The following PHACTR1 variants were observed in gnomAD, a reference collection of about 807,000 sequenced individuals.
PHACTR1 encodes the protein RPEL repeat containing 1.
A neutral mutation model predicts 69.2 loss-of-function variants in PHACTR1; 16 were observed. The ratio of observed to expected loss-of-function variants is 0.23; its 90% confidence interval spans 0.16 to 0.35. PHACTR1 has a LOEUF of 0.35. PHACTR1 is among the 10% of genes least tolerant of loss of function. The pLI, the probability that PHACTR1 is intolerant of heterozygous loss-of-function variation, is 1.00. For missense variants in PHACTR1, 510 were observed against 734.7 expected (o/e 0.69, Z 3.54); for synonymous variants, 312 against 284.5 (o/e 1.10, Z -0.97).
intron 4 of PHACTR1, among the ~76,000 whole-genome samples, chr6:12,955,474 A>G (rs1791788878): frequency 6.6e-6 from 1 of 152,110 alleles, no homozygotes; most frequent in South Asian, 2.1e-4. Context: ...TACAGGATTG[A>G]GCCACCATGC....
At chr6:13,276,313 G>T (rs2235173) in intron 11 of PHACTR1, among the ~76,000 whole-genome samples, 1 of 152,006 alleles carries the variant, frequency 6.6e-6, no homozygotes, top group Non-Finnish European at 1.5e-5. Context: ...AGGCGGTTGG[G>T]GGGCCAAATC....
At chr6:12,829,919 C>G (rs1252563133) in intron 4 of PHACTR1, among the ~76,000 whole-genome samples, 1 of 146,192 alleles carries the variant, frequency 6.8e-6, no homozygotes, top group African/African-American at 2.6e-5. Flanking sequence ...GATTGTGCCA[C>G]TGCTCTCCAG....
chr6:13,183,215 T>G (rs1219742916), intron 7 of PHACTR1, among the ~76,000 whole-genome samples: 2 of 152,188 alleles, frequency 1.3e-5, no homozygotes, highest in South Asian at 2.1e-4. Context: ...GACTGTCATC[T>G]CCTTCTTTGG....
At chr6:12,749,827 C>T in intron 4 of PHACTR1, 37 bp downstream of exon 4, 1 of 1,508,660 alleles carries the variant, frequency 6.6e-7, no homozygotes, top group East Asian at 2.4e-5. Flanking sequence ...CCGCCCCCGC[C>T]CTGCTCCCTC....
chr6:12,976,578 C>T (rs1794906702), intron 4 of PHACTR1, among the ~76,000 whole-genome samples: 1 of 152,200 alleles, frequency 6.6e-6, no homozygotes, highest in Non-Finnish European at 1.5e-5. Flanking sequence ...GTTTTAGTTA[C>T]TCATCGTCAA....
chr6:13,114,004 T>C (rs1047821262), intron 5 of PHACTR1, among the ~76,000 whole-genome samples: 2 of 152,080 alleles, frequency 1.3e-5, no homozygotes, highest in African/African-American at 4.8e-5. Flanking sequence ...AAAGAAAACA[T>C]AAAGGTCTGC....
chr6:13,235,170 G>C (rs1264360092), intron 10 of PHACTR1, among the ~76,000 whole-genome samples: 1 of 152,026 alleles, frequency 6.6e-6, no homozygotes, highest in Non-Finnish European at 1.5e-5. Context: ...ATCTCCAGTG[G>C]ACACACAGAG....
intron 5 of PHACTR1, among the ~76,000 whole-genome samples, chr6:13,124,393 A>G (rs1410765171): frequency 1.3e-5 from 2 of 152,208 alleles, no homozygotes; most frequent in Non-Finnish European, 2.9e-5. Flanking sequence ...TCCCTATAAT[A>G]CAAAATCATC....
At position 13,182,643 on chromosome 6, in the gene PHACTR1, C is replaced by A; in HGVS notation, c.621C>A (p.Cys207Ter). 6.2e-7 allele frequency: 1 copy of A among 1,602,816 alleles called. No individual in the cohort carries two copies. The highest frequency in any genetic ancestry group is 8.5e-7 in the Non-Finnish European group (1 of 1,174,884). The stretch of plus-strand genomic sequence containing the variant: ...CAGTCCCAATGCCCAGGGATCCCTG[C>A]TCATATGAGGTGCTCCAACCGTCAG... ...MEPVPMPRDP[C>*]SYEVLQPSDI... The change falls in exon 7 of 15, where the codon TGC (cysteine) becomes TGA (stop). Residue 207 changes from cysteine (C) to a stop codon, truncating the protein, a stop_gained. Transcript: ENST00000332995. LOFTEE classifies it high-confidence loss of function.
intron 4 of PHACTR1, among the ~76,000 whole-genome samples, chr6:12,874,857 C>T (rs2127446003): frequency 6.6e-6 from 1 of 152,284 alleles, no homozygotes; most frequent in South Asian, 2.1e-4. Flanking sequence ...TTGCTTATGT[C>T]AGCTTGTCAT....
At chr6:13,171,523 A>T (rs1305758051) in intron 6 of PHACTR1, among the ~76,000 whole-genome samples, 2 of 152,364 alleles carry the variant, frequency 1.3e-5, no homozygotes, top group Non-Finnish European at 2.9e-5. Flanking sequence ...AACTTTCAAC[A>T]GTAACAGAAA....
At chr6:13,133,535 G>T (rs1285857792) in intron 5 of PHACTR1, among the ~76,000 whole-genome samples, 3 of 152,122 alleles carry the variant, frequency 2.0e-5, no homozygotes, top group Non-Finnish European at 4.4e-5. Flanking sequence ...AACCGCAAGT[G>T]ATCTGCTAGC....
chr6:13,076,029 T>G (rs1323177940), intron 5 of PHACTR1, among the ~76,000 whole-genome samples: 1 of 148,444 alleles, frequency 6.7e-6, no homozygotes, highest in Non-Finnish European at 1.5e-5. Flanking sequence ...GGGAGCATCT[T>G]TTTTTTTTTT....
intron 4 of PHACTR1, among the ~76,000 whole-genome samples, chr6:12,817,239 G>C (rs751866103): frequency 6.6e-6 from 1 of 152,152 alleles, no homozygotes; most frequent in Non-Finnish European, 1.5e-5. Flanking sequence ...CAAGGAAAGT[G>C]ATAGAAGGTC....
chr6:13,114,148 C>T (rs1817461864), intron 5 of PHACTR1, among the ~76,000 whole-genome samples: 1 of 152,176 alleles, frequency 6.6e-6, no homozygotes, highest in African/African-American at 2.4e-5. Flanking sequence ...GAAGCAGACT[C>T]GCTCTGATGG....
chr6:12,839,815 G>A (rs536523037), intron 4 of PHACTR1, among the ~76,000 whole-genome samples: 3 of 152,338 alleles, frequency 2.0e-5, no homozygotes, highest in African/African-American at 7.2e-5. Flanking sequence ...TTGATCAGAT[G>A]TGGTGAAGAT....
chr6:13,027,329 T>G (rs1801835691), intron 4 of PHACTR1, among the ~76,000 whole-genome samples: 1 of 152,200 alleles, frequency 6.6e-6, no homozygotes, highest in Non-Finnish European at 1.5e-5. Flanking sequence ...TGTTTAAATA[T>G]ATTGAGGTCA....
Position 13,283,732 on chromosome 6 carries a change from G to C in PHACTR1, c.1650+170G>C. The C allele has an allele frequency of 1.1e-6, 1 of 947,910 alleles. No individual in the cohort carries two copies. Among genetic ancestry groups the C allele is most frequent in the Non-Finnish European group, 1.6e-6 (1 of 632,886 alleles). 58.7% of individuals were successfully genotyped at this position (947,910 alleles called of 1,614,324 possible). A position where few individuals can be genotyped will look rare whatever the true frequency, so the allele number is the denominator to read the frequency against. On this transcript the variant is annotated intron_variant, in intron 13 of 14. Coordinates refer to ENST00000332995, the MANE Select transcript of PHACTR1 (RefSeq NM_030948.6). The surrounding 1 kb of genome is among the most constrained non-coding windows in gnomAD (Gnocchi z 4.7). ...TCCCCAGGGGCCACAGATAATCTGCGGAAAGGCTGCTGAATCGGAGAAAAC... is the reference window on the plus strand; with the variant it reads ...TCCCCAGGGGCCACAGATAATCTGCCGAAAGGCTGCTGAATCGGAGAAAAC...
At chr6:13,103,607 T>C (rs769248440) in intron 5 of PHACTR1, among the ~76,000 whole-genome samples, 2 of 152,228 alleles carry the variant, frequency 1.3e-5, no homozygotes, top group Admixed American at 6.5e-5. Context: ...GTTTCTTTGT[T>C]CTGAACTTTT....
Sources: gnomAD v4.1 joint callset for allele counts (sites outside exome capture counted in the v4.1 genomes callset) on GRCh38, gnomAD v4.1.1 for gene constraint, Gnocchi (gnomAD v3.1) non-coding constraint, MANE v1.5 for transcripts, NCBI Gene and HGNC (gene_info 2026-07-23, HGNC 2026-07-21) for gene names.